Variants in ATP13A4 observed in about 807,000 individuals in gnomAD.
ATP13A4 encodes the protein probable cation-transporting ATPase 13A4.
In ATP13A4, 114 loss-of-function variants were observed where a neutral mutation model predicts 142.5. The ratio of observed to expected loss-of-function variants is 0.80; its 90% confidence interval spans 0.69 to 0.93. The LOEUF is 0.93. Among genes scored for constraint, ATP13A4 ranks in the 40% least tolerant of loss-of-function variants. The pLI, the probability that ATP13A4 is intolerant of heterozygous loss-of-function variation, is 0.00. For missense variants in ATP13A4, 1,392 were observed against 1,454.0 expected (o/e 0.96, Z 0.69); for synonymous variants, 488 against 514.8 (o/e 0.95, Z 0.70).
At chr3:193,520,058 T>C (rs906504610) in intron 1 of ATP13A4, among the ~76,000 whole-genome samples, 4 of 152,190 alleles carry the variant, frequency 2.6e-5, no homozygotes, top group African/African-American at 9.7e-5. Context: ...CCACGTTGTT[T>C]ACCCAGCATC....
At chr3:193,437,080 G>A (rs1459842609) in intron 23 of ATP13A4, among the ~76,000 whole-genome samples, 1 of 133,534 alleles carries the variant, frequency 7.5e-6, no homozygotes, top group East Asian at 2.2e-4. Context: ...CTCCAGCCTG[G>A]GCGACAGAGT....
intron 23 of ATP13A4, among the ~76,000 whole-genome samples, chr3:193,437,812 A>G (rs1483714323): frequency 1.3e-5 from 2 of 149,750 alleles, no homozygotes; most frequent in African/African-American, 2.5e-5. Context: ...GAGAGCAGCA[A>G]AAGCCAATAA....
chr3:193,431,316 G>GTT (rs3053094), intron 25 of ATP13A4, among the ~76,000 whole-genome samples: 94,369 of 151,810 alleles, frequency 0.62, 31,161 homozygotes, highest in Non-Finnish European at 0.74. Context: ...GTTTGAGAAT[G>GTT]TGAAGTTTAA....
intron 3 of ATP13A4, among the ~76,000 whole-genome samples, chr3:193,495,916 T>C (rs1720199004): frequency 6.6e-6 from 1 of 152,176 alleles, no homozygotes; most frequent in Non-Finnish European, 1.5e-5. Context: ...AGCATTTCTA[T>C]ACACTAATAG....
chr3:193,447,347 C>A (rs571853088), intron 18 of ATP13A4, among the ~76,000 whole-genome samples: 1 of 152,106 alleles, frequency 6.6e-6, no homozygotes, highest in South Asian at 2.1e-4. Context: ...GGGAGTAGAA[C>A]AGGGGACAGA....
chr3:193,531,083 A>G (rs568981788), intron 1 of ATP13A4, among the ~76,000 whole-genome samples: 2 of 152,226 alleles, frequency 1.3e-5, no homozygotes, highest in East Asian at 1.9e-4. Flanking sequence ...CCTTTCAGTT[A>G]GCACTTTTCA....
chr3:193,514,622 T>TC (rs914357938), intron 2 of ATP13A4, 76 bp downstream of exon 2: 4 of 1,581,534 alleles, frequency 2.5e-6, no homozygotes, highest in Non-Finnish European at 1.7e-6. Flanking sequence ...TGTGCACATC[T>TC]CCCCCCAGCC....
intron 25 of ATP13A4, among the ~76,000 whole-genome samples, chr3:193,425,493 C>T (rs62285707): frequency 0.053 from 8,105 of 151,550 alleles, 287 homozygotes; most frequent in South Asian, 0.14. Context: ...GAATAAAGAA[C>T]ATGTGGTATA....
intron 17 of ATP13A4, among the ~76,000 whole-genome samples, chr3:193,451,021 A>G (rs1010971835): frequency 6.6e-6 from 1 of 152,106 alleles, no homozygotes. Context: ...CTGTTTCTAT[A>G]TGTAAGGTGG....
At chr3:193,499,398 A>G (rs1172283750) in intron 3 of ATP13A4, among the ~76,000 whole-genome samples, 1 of 152,174 alleles carries the variant, frequency 6.6e-6, no homozygotes, top group Non-Finnish European at 1.5e-5. Flanking sequence ...ATTCTTTGCA[A>G]TTTTGCAAAT....
At chr3:193,532,037 A>G (rs574030849) in intron 1 of ATP13A4, among the ~76,000 whole-genome samples, 1 of 152,234 alleles carries the variant, frequency 6.6e-6, no homozygotes, top group Non-Finnish European at 1.5e-5. Flanking sequence ...ACTACCAACC[A>G]TATGCATGAG....
At chr3:193,420,187 C>T (rs1261244392) in intron 25 of ATP13A4, among the ~76,000 whole-genome samples, 1 of 149,562 alleles carries the variant, frequency 6.7e-6, no homozygotes, top group African/African-American at 2.5e-5. Flanking sequence ...ATAGGTCATG[C>T]CAGACCTGAC....
intron 26 of ATP13A4, 60 bp downstream of exon 26, chr3:193,414,519 C>A (rs903060669): frequency 1.9e-5 from 31 of 1,592,850 alleles, no homozygotes; most frequent in Non-Finnish European, 2.5e-5. Context: ...ATCATATTGG[C>A]CAGAGGATGT....
chr3:193,516,677 A>C (rs143193463), intron 1 of ATP13A4, among the ~76,000 whole-genome samples: 1 of 152,184 alleles, frequency 6.6e-6, no homozygotes, highest in African/African-American at 2.4e-5. Context: ...CATCTTTTTA[A>C]AATATTATAT....
chr3:193,534,808 TAAAG>T (rs1168534591), intron 1 of ATP13A4, among the ~76,000 whole-genome samples: 1 of 151,912 alleles, frequency 6.6e-6, no homozygotes, highest in Non-Finnish European at 1.5e-5. Flanking sequence ...CTAAAAAACT[TAAAG>T]AAATAATGGC....
intron 1 of ATP13A4, among the ~76,000 whole-genome samples, chr3:193,541,380 G>A (rs1421256354): frequency 8.6e-6 from 1 of 115,622 alleles, no homozygotes; most frequent in African/African-American, 2.9e-5. Flanking sequence ...ATCGATCACA[G>A]ATTATCTATC....
chr3:193,459,065 A>C lies in ATP13A4; in HGVS notation c.1674+16T>G. 1.9e-6 allele frequency: 3 copies of C among 1,614,112 alleles called. No individual in the cohort carries two copies. Among genetic ancestry groups the C allele is most frequent in the Non-Finnish European group, 2.5e-6 (3 of 1,179,944 alleles). ...TTGAAGAAGCTTCTCAGATTCTCTG[A>C]AGAGCAGAGGCTTACCCAGGTGGTG... is the stretch of plus-strand genomic sequence containing the variant. On this transcript the variant is annotated intron_variant, in intron 14 of 29. Coordinates refer to ENST00000342695, the MANE Select transcript of ATP13A4 (RefSeq NM_032279.4).
intron 7 of ATP13A4, among the ~76,000 whole-genome samples, chr3:193,487,649 G>A (rs185021004): frequency 2.0e-5 from 3 of 152,140 alleles, no homozygotes; most frequent in East Asian, 3.9e-4. Context: ...TTGACAATAT[G>A]TTTAAAATAG....
intron 7 of ATP13A4, among the ~76,000 whole-genome samples, chr3:193,488,323 T>C (rs970054131): frequency 6.6e-6 from 1 of 152,182 alleles, no homozygotes; most frequent in African/African-American, 2.4e-5. Flanking sequence ...ATATATTCAT[T>C]CTGTTAAACA....
Sources: allele counts gnomAD v4.1 joint callset (sites outside exome capture counted in the v4.1 genomes callset), GRCh38; gene constraint gnomAD v4.1.1; transcripts MANE v1.5; gene names NCBI Gene and HGNC (gene_info 2026-07-23, HGNC 2026-07-21).